Variants in PHYHIPL observed in about 807,000 individuals in gnomAD.
PHYHIPL encodes the protein phytanoyl-CoA 2-hydroxylase interacting protein like.
In PHYHIPL, 9 loss-of-function variants were observed where a neutral mutation model predicts 33.4. The observed-to-expected ratio is 0.27, with a 90% CI of 0.16 to 0.47. PHYHIPL has a LOEUF of 0.47. Among genes scored for constraint, PHYHIPL ranks in the 20% least tolerant of loss-of-function variants. PHYHIPL has a pLI of 0.99. For synonymous variants in PHYHIPL, 153 were observed against 154.1 expected, an observed-to-expected ratio of 0.99 and a Z score of 0.05; for missense variants, 365 against 460.7, an observed-to-expected ratio of 0.79 and a Z score of 1.90.
intron 1 of PHYHIPL, among the ~76,000 whole-genome samples, chr10:59,201,044 T>G (rs1430749578): frequency 6.6e-6 from 1 of 152,234 alleles, no homozygotes; most frequent in Admixed American, 6.5e-5. Flanking sequence ...GGGTTTTTTG[T>G]GTCTCTATCT....
intron 3 of PHYHIPL, among the ~76,000 whole-genome samples, chr10:59,237,147 C>A (rs1182183407): frequency 6.6e-6 from 1 of 151,632 alleles, no homozygotes; most frequent in African/African-American, 2.4e-5. Flanking sequence ...ACTAGAAGAC[C>A]TTAAGAAAAT....
intron 1 of PHYHIPL, among the ~76,000 whole-genome samples, chr10:59,214,222 A>G (rs1285871518): frequency 6.6e-6 from 1 of 152,182 alleles, no homozygotes; most frequent in Non-Finnish European, 1.5e-5. Context: ...ATATATGCTT[A>G]GAATGCAGAA....
At chr10:59,209,413 A>G (rs191305800) in intron 1 of PHYHIPL, among the ~76,000 whole-genome samples, 1,880 of 152,066 alleles carry the variant, frequency 0.012, 41 homozygotes, top group African/African-American at 0.043. Flanking sequence ...TGCCTTACAA[A>G]AGCTTCTGAA....
chr10:59,193,463 A>T (rs1838833175), intron 1 of PHYHIPL, among the ~76,000 whole-genome samples: 1 of 152,194 alleles, frequency 6.6e-6, no homozygotes, highest in Non-Finnish European at 1.5e-5. Context: ...AGTGACAGTG[A>T]AGCCTAAAGA....
At chr10:59,198,783 A>T (rs1449991806) in intron 1 of PHYHIPL, among the ~76,000 whole-genome samples, 1 of 152,100 alleles carries the variant, frequency 6.6e-6, no homozygotes, top group Non-Finnish European at 1.5e-5. Flanking sequence ...TGTGGTTTTG[A>T]TTTGCATTTC....
chr10:59,235,518 C>T (rs1322176057), intron 2 of PHYHIPL, among the ~76,000 whole-genome samples: 2 of 151,792 alleles, frequency 1.3e-5, no homozygotes, highest in Non-Finnish European at 1.5e-5. Context: ...TGCGATTATA[C>T]ATACTAAAGA....
intron 1 of PHYHIPL, among the ~76,000 whole-genome samples, chr10:59,198,307 GT>G (rs1245945776): frequency 9.9e-5 from 15 of 151,974 alleles, no homozygotes; most frequent in African/African-American, 3.1e-4. Context: ...GCGGTGTTTG[GT>G]TTTTTTGTCC....
chr10:59,188,562 G>T (rs1838686614), intron 1 of PHYHIPL, among the ~76,000 whole-genome samples: 1 of 152,116 alleles, frequency 6.6e-6, no homozygotes, highest in African/African-American at 2.4e-5. Flanking sequence ...TGTTGACAGT[G>T]GGGTGTTAAA....
At chr10:59,184,350 G>A (rs968330723) in intron 1 of PHYHIPL, among the ~76,000 whole-genome samples, 10 of 152,132 alleles carry the variant, frequency 6.6e-5, no homozygotes, top group Admixed American at 6.5e-5. Flanking sequence ...GACCTTTATA[G>A]GAAAAGTTTG....
At chr10:59,233,596 T>C (rs1271777755) in intron 1 of PHYHIPL, among the ~76,000 whole-genome samples, 2 of 151,818 alleles carry the variant, frequency 1.3e-5, no homozygotes, top group Non-Finnish European at 3.0e-5. Flanking sequence ...TCCTGCTCTA[T>C]ACTGTTAGCC....
At position 59,247,380 on chromosome 10, in the gene PHYHIPL, A is replaced by C; in HGVS notation, c.*1789A>C. ...ATTGACTATGAGTTTTCTGCTTGGC[A>C]TGGAGGACACTGAATTTTTTCCCAA... On this transcript the variant is annotated 3_prime_UTR_variant, in exon 5 of 5. Coordinates refer to ENST00000373880, the MANE Select transcript of PHYHIPL (RefSeq NM_032439.4). 2.0e-6 allele frequency: 1 copy of C among 505,408 alleles called. No homozygotes were observed. The highest frequency in any genetic ancestry group is 2.5e-5 in the South Asian group (1 of 40,798). The allele number at this position is 505,408 out of a possible 1,614,324, so 31.3% of individuals were successfully genotyped here.
At chr10:59,179,842 T>TACAC (rs147836305) in intron 1 of PHYHIPL, among the ~76,000 whole-genome samples, 8,117 of 134,784 alleles carry the variant, frequency 0.06, 409 homozygotes, top group African/African-American at 0.13. Flanking sequence ...GCAAGACAGT[T>TACAC]ACACACACAC....
intron 1 of PHYHIPL, among the ~76,000 whole-genome samples, chr10:59,182,755 CT>C (rs1838445292): frequency 6.6e-6 from 1 of 151,964 alleles, no homozygotes; most frequent in Non-Finnish European, 1.5e-5. Context: ...TCAGCATATT[CT>C]GTATATGTTA....
chr10:59,232,625 A>C (rs1029761872), intron 1 of PHYHIPL, among the ~76,000 whole-genome samples: 7 of 151,960 alleles, frequency 4.6e-5, no homozygotes, highest in African/African-American at 1.2e-4. Flanking sequence ...GTTTCCATTA[A>C]ATTGAATCAA....
intron 4 of PHYHIPL, among the ~76,000 whole-genome samples, chr10:59,242,506 A>G (rs766917175): frequency 6.6e-6 from 1 of 152,186 alleles, no homozygotes; most frequent in South Asian, 2.1e-4. Flanking sequence ...CAGGATACAA[A>G]TGGAACTCAG....
intron 1 of PHYHIPL, among the ~76,000 whole-genome samples, chr10:59,223,893 C>A (rs906893250): frequency 1.3e-5 from 2 of 152,136 alleles, no homozygotes; most frequent in Non-Finnish European, 2.9e-5. Context: ...CTCCTAGGTT[C>A]AGGTGATCCT....
At chr10:59,237,380 A>C (rs141807772) in intron 3 of PHYHIPL, among the ~76,000 whole-genome samples, 1 of 151,924 alleles carries the variant, frequency 6.6e-6, no homozygotes, top group Non-Finnish European at 1.5e-5. Context: ...CCATATCTCT[A>C]CCTGAGTACT....
At chr10:59,225,677 T>G (rs747614019) in intron 1 of PHYHIPL, among the ~76,000 whole-genome samples, 3 of 151,984 alleles carry the variant, frequency 2.0e-5, no homozygotes, top group Non-Finnish European at 2.9e-5. Flanking sequence ...TTCTTTGCTG[T>G]GATTCTCCAT....
chr10:59,192,123 G>A lies in PHYHIPL; in HGVS notation c.106+15164G>A, dbSNP rs532178098. Among the ~76,000 whole-genome samples the A allele has an allele frequency of 3.3e-5, 5 of 152,198 alleles. No individual in the cohort carries two copies. The East Asian group carries it at 9.6e-4, about 29-fold the overall frequency. On this transcript the variant is annotated intron_variant, in intron 1 of 4. Transcript: ENST00000373880. Reference sequence around the variant, plus strand: ...GTTACACCTTTTATTAGCACATGGTGCCATTTTGTGCACTGAGGTAGCAGG... The same window carrying A: ...GTTACACCTTTTATTAGCACATGGTACCATTTTGTGCACTGAGGTAGCAGG...
Sources: allele counts gnomAD v4.1 joint callset (sites outside exome capture counted in the v4.1 genomes callset), GRCh38; gene constraint gnomAD v4.1.1; transcripts MANE v1.5; gene names NCBI Gene and HGNC (gene_info 2026-07-23, HGNC 2026-07-21).